The following EEFSEC variants were observed in gnomAD, a reference collection of about 807,000 sequenced individuals.
EEFSEC encodes the protein eukaryotic elongation factor, selenocysteine-tRNA specific.
EEFSEC carries 43 observed loss-of-function variants against 42.1 expected under a neutral mutation model. That is an observed-to-expected ratio of 1.02 (90% CI 0.80 to 1.32). The LOEUF (loss-of-function observed/expected upper bound fraction) is 1.32. Among genes scored for constraint, EEFSEC ranks in the 40% most tolerant of loss-of-function variants. The pLI is 0.00. For missense variants in EEFSEC, 745 were observed against 803.6 expected (o/e 0.93, Z 0.88); for synonymous variants, 354 against 339.1 (o/e 1.04, Z -0.48).
At chr3:128,399,816 C>T (rs373369847) in intron 6 of EEFSEC, among the ~76,000 whole-genome samples, 60 of 152,042 alleles carry the variant, frequency 3.9e-4, no homozygotes, top group African/African-American at 1.4e-3. Flanking sequence ...TGTCCCCAGC[C>T]GGGTCTGTGT....
At chr3:128,284,064 C>A (rs528392064) in intron 4 of EEFSEC, among the ~76,000 whole-genome samples, 85 of 152,324 alleles carry the variant, frequency 5.6e-4, no homozygotes, top group South Asian at 3.3e-3. Flanking sequence ...CACGGCTACA[C>A]CATGGCATGA....
chr3:128,314,076 G>A (rs969266397), intron 4 of EEFSEC, among the ~76,000 whole-genome samples: 6 of 152,154 alleles, frequency 3.9e-5, no homozygotes, highest in Non-Finnish European at 8.8e-5. Context: ...CCTCTGCCTA[G>A]GAATCTACCG....
chr3:128,201,018 C>T (rs2065637838), intron 1 of EEFSEC, among the ~76,000 whole-genome samples: 1 of 152,098 alleles, frequency 6.6e-6, no homozygotes, highest in African/African-American at 2.4e-5. Flanking sequence ...ACAGTCCCCA[C>T]CTTTGCAATT....
chr3:128,366,705 G>A (rs2067594446), intron 6 of EEFSEC, among the ~76,000 whole-genome samples: 1 of 152,192 alleles, frequency 6.6e-6, no homozygotes, highest in African/African-American at 2.4e-5. Flanking sequence ...CTGGGCACAT[G>A]GCTCAAACAA....
intron 4 of EEFSEC, among the ~76,000 whole-genome samples, chr3:128,288,544 G>T (rs1175927477): frequency 6.6e-6 from 1 of 152,178 alleles, no homozygotes; most frequent in East Asian, 1.9e-4. Flanking sequence ...GGAATCCCTT[G>T]TTGAACAAAT....
chr3:128,176,209 G>T (rs924823725), intron 1 of EEFSEC, among the ~76,000 whole-genome samples: 2 of 151,800 alleles, frequency 1.3e-5, no homozygotes, highest in African/African-American at 4.8e-5. Context: ...TGGGAAGGCA[G>T]GCTAGATGGA....
At position 128,341,539 on chromosome 3, in the gene EEFSEC, G is replaced by T. The variant is rs746942721; in HGVS notation, c.1093G>T (p.Asp365Tyr). The T allele has an allele frequency of 2.5e-6, 4 of 1,614,030 alleles. No individual in the cohort carries two copies. The Admixed American group carries it at 5.0e-5, about 20-fold the overall frequency. The change falls in exon 5 of 7, where the codon GAC becomes TAC. Residue 365 changes from aspartate to tyrosine, a missense_variant. Asp to Tyr is a radical substitution (Grantham distance 160, BLOSUM62 -3). Transcript: ENST00000254730. ...TAACTTTGACCAGGAGCCTATACTG[G>T]ACTCTTTCAACTTCTCTCAAGAATA... ...PDNFDQEPIL[D>Y]SFNFSQEYLF...
intron 6 of EEFSEC, among the ~76,000 whole-genome samples, chr3:128,386,749 G>A (rs1218401693): frequency 6.6e-6 from 1 of 152,172 alleles, no homozygotes; most frequent in East Asian, 1.9e-4. Context: ...AAGAGAAGGA[G>A]CAAGAGAGTG....
intron 1 of EEFSEC, among the ~76,000 whole-genome samples, chr3:128,208,286 A>C (rs1198436196): frequency 6.6e-6 from 1 of 152,196 alleles, no homozygotes; most frequent in South Asian, 2.1e-4. Context: ...TCACTCTAAC[A>C]GGCACCCAAG....
chr3:128,304,477 C>T (rs950145989), intron 4 of EEFSEC, among the ~76,000 whole-genome samples: 1 of 151,826 alleles, frequency 6.6e-6, no homozygotes, highest in Admixed American at 6.6e-5. Flanking sequence ...AAATATAATC[C>T]TGTAACCCGC....
At chr3:128,304,478 T>C (rs1305595597) in intron 4 of EEFSEC, among the ~76,000 whole-genome samples, 2 of 152,184 alleles carry the variant, frequency 1.3e-5, no homozygotes, top group African/African-American at 4.8e-5. Flanking sequence ...AATATAATCC[T>C]GTAACCCGCC....
chr3:128,243,630 G>A (rs556048430), intron 1 of EEFSEC, among the ~76,000 whole-genome samples: 5 of 152,318 alleles, frequency 3.3e-5, no homozygotes, highest in East Asian at 1.9e-4. Flanking sequence ...GCATGGAGCC[G>A]GGTGGGGCAT....
the EEFSEC span, among the ~76,000 whole-genome samples, chr3:128,417,398 GCA>G: frequency 1.3e-5 from 2 of 152,120 alleles, no homozygotes; most frequent in South Asian, 4.2e-4. This position sits in a 1 kb window ranked among gnomAD's most constrained non-coding sequence, Gnocchi z 4.3. Flanking sequence ...CAGGGCCTCT[GCA>G]CACAGCTCCC....
intron 4 of EEFSEC, among the ~76,000 whole-genome samples, chr3:128,296,952 A>T (rs1007146596): frequency 3.9e-5 from 6 of 152,122 alleles, no homozygotes; most frequent in Non-Finnish European, 8.8e-5. Flanking sequence ...GCTCTACATC[A>T]CACAGGGAGG....
At chr3:128,296,942 G>A (rs2066712931) in intron 4 of EEFSEC, among the ~76,000 whole-genome samples, 1 of 152,316 alleles carries the variant, frequency 6.6e-6, no homozygotes, top group Middle Eastern at 3.4e-3. Context: ...TGCACCTCAT[G>A]CTCTACATCA....
intron 4 of EEFSEC, among the ~76,000 whole-genome samples, chr3:128,297,863 A>G (rs747527213): frequency 3.3e-5 from 5 of 152,234 alleles, no homozygotes; most frequent in Non-Finnish European, 7.3e-5. Flanking sequence ...TTTTGCTGAA[A>G]TAGTCCATTG....
chr3:128,368,455 A>C (rs975132216), intron 6 of EEFSEC, among the ~76,000 whole-genome samples: 3 of 122,336 alleles, frequency 2.5e-5, no homozygotes, highest in South Asian at 2.7e-4. Flanking sequence ...AAAAAAAAAA[A>C]AACAAAAAAA....
intron 5 of EEFSEC, among the ~76,000 whole-genome samples, chr3:128,342,923 C>T (rs990441348): frequency 6.6e-6 from 1 of 152,250 alleles, no homozygotes; most frequent in African/African-American, 2.4e-5. Flanking sequence ...ACAGCCAAAC[C>T]TTGCCGTCTC....
At chr3:128,195,194 A>G (rs1486432507) in intron 1 of EEFSEC, among the ~76,000 whole-genome samples, 1 of 152,174 alleles carries the variant, frequency 6.6e-6, no homozygotes, top group Non-Finnish European at 1.5e-5. Flanking sequence ...AGGCTGTTCT[A>G]TGGCTTTAGG....
Sources: gnomAD v4.1 joint callset for allele counts (sites outside exome capture counted in the v4.1 genomes callset) on GRCh38, gnomAD v4.1.1 for gene constraint, Gnocchi (gnomAD v3.1) non-coding constraint, MANE v1.5 for transcripts, NCBI Gene and HGNC (gene_info 2026-07-23, HGNC 2026-07-21) for gene names.